HACL1: variants seen among roughly 807,000 people sequenced by gnomAD.
HACL1 encodes 2-hydroxyacyl-CoA lyase 1.
HACL1 carries 64 observed loss-of-function variants against 74.2 expected under a neutral mutation model. That is an observed-to-expected ratio of 0.86 (90% CI 0.70 to 1.06). The LOEUF is 1.06. Ranked by LOEUF, HACL1 falls within the 50% of genes least tolerant of loss-of-function variation. The probability of loss-of-function intolerance (pLI) is 0.00; values close to 1 mark genes in which losing one functional copy is unlikely to be tolerated. For missense variants in HACL1, 728 were observed against 719.7 expected, an observed-to-expected ratio of 1.01 and a Z score of -0.13; for synonymous variants, 230 against 238.8, an observed-to-expected ratio of 0.96 and a Z score of 0.34.
intron 2 of HACL1, 29 bp downstream of exon 2, chr3:15,601,061 C>G (rs775840576): frequency 3.0e-6 from 4 of 1,338,694 alleles, no homozygotes; most frequent in South Asian, 2.3e-5. Context: ...TTCCCAGTAA[C>G]GCATTCAGCC....
intron 2 of HACL1, among the ~76,000 whole-genome samples, chr3:15,599,324 G>A (rs2064131821): frequency 6.6e-6 from 1 of 152,164 alleles, no homozygotes; most frequent in Non-Finnish European, 1.5e-5. Context: ...TAGAGACAGA[G>A]GTCGTGCTAT....
Position 15,573,207 on chromosome 3 carries a change from T to C in HACL1, c.945A>G (p.Val315=), listed in dbSNP as rs557276065. Residue 315 remains valine, a synonymous_variant, in exon 11 of 17, where the codon GTA becomes GTG. Coordinates refer to ENST00000321169, the MANE Select transcript of HACL1 (RefSeq NM_012260.4). Reference sequence around the variant, plus strand: ...TTCCTAGCAAAGTAACAGCGGGCTTTACATTATTCCCCAATTCTTCTGCAC... The same window carrying C: ...TTCCTAGCAAAGTAACAGCGGGCTTCACATTATTCCCCAATTCTTCTGCAC... ...DICAEELGNN[V]KPAVTLLGNI... is the part of the protein sequence containing the mutation. 7.5e-6 allele frequency: 12 copies of C among 1,610,264 alleles called. No homozygotes were observed. Among genetic ancestry groups the C allele is most frequent in the African/African-American group, 1.3e-5 (1 of 74,976 alleles).
Position 15,560,855 on chromosome 3 carries a change from G to A in HACL1, c.*10C>T. On this transcript the variant is annotated 3_prime_UTR_variant, in exon 17 of 17. Transcript: ENST00000321169. Reference sequence around the variant, plus strand: ...AGAGAAAACTCAAGACCACCAACTGGCGTCTTTATTTACATATTAGAGCGG... The same window carrying A: ...AGAGAAAACTCAAGACCACCAACTGACGTCTTTATTTACATATTAGAGCGG... 1 of 1,590,370 alleles carries A rather than the reference G, an allele frequency of 6.3e-7. No homozygotes were observed. Among genetic ancestry groups the A allele is most frequent in the Non-Finnish European group, 8.6e-7 (1 of 1,161,986 alleles).
intron 3 of HACL1, among the ~76,000 whole-genome samples, chr3:15,593,192 T>C (rs2063986981): frequency 1.3e-5 from 2 of 148,194 alleles, no homozygotes; most frequent in Admixed American, 1.3e-4. Flanking sequence ...TACACACATA[T>C]ATATGTGCGT....
chr3:15,600,997 G>A (rs943721268), intron 2 of HACL1, 93 bp downstream of exon 2: 1 of 763,972 alleles, frequency 1.3e-6, no homozygotes, highest in East Asian at 2.5e-5. Flanking sequence ...TAGCAGAAGA[G>A]TGGTAAGCGC....
chr3:15,599,822 T>C (rs2064150994), intron 2 of HACL1, among the ~76,000 whole-genome samples: 1 of 152,274 alleles, frequency 6.6e-6, no homozygotes, highest in Non-Finnish European at 1.5e-5. Context: ...ACAGGTTATG[T>C]AGCACAATCC....
chr3:15,588,591 T>C (rs1219978171), intron 5 of HACL1, among the ~76,000 whole-genome samples: 1 of 150,812 alleles, frequency 6.6e-6, no homozygotes. Flanking sequence ...ATATCCTGTC[T>C]CAAAAAAGAA....
chr3:15,596,938 T>A (rs1183638730), intron 2 of HACL1, among the ~76,000 whole-genome samples: 1 of 152,204 alleles, frequency 6.6e-6, no homozygotes, highest in African/African-American at 2.4e-5. Flanking sequence ...TTTAGAACAC[T>A]GGTTTTTAAT....
intron 3 of HACL1, among the ~76,000 whole-genome samples, chr3:15,592,273 T>C (rs111064690): frequency 0.18 from 22,856 of 128,546 alleles, 3,131 homozygotes; most frequent in East Asian, 0.42. Flanking sequence ...CATATATACG[T>C]ATACATACGT....
intron 3 of HACL1, among the ~76,000 whole-genome samples, chr3:15,592,072 ACG>A (rs2063916651): frequency 2.2e-3 from 14 of 6,444 alleles, no homozygotes; most frequent in African/African-American, 7.0e-3. Flanking sequence ...ATACGTATAT[ACG>A]TATACGTATA....
At chr3:15,566,603 C>G (rs1010133465) in intron 14 of HACL1, among the ~76,000 whole-genome samples, 1 of 152,130 alleles carries the variant, frequency 6.6e-6, no homozygotes, top group Non-Finnish European at 1.5e-5. Flanking sequence ...CTGCGGTGAG[C>G]CGCAGTTGCG....
chr3:15,593,201 G>GTGTA (rs2063987842), intron 3 of HACL1, among the ~76,000 whole-genome samples: 1 of 144,762 alleles, frequency 6.9e-6, no homozygotes, highest in Non-Finnish European at 1.5e-5. Flanking sequence ...ATATATGTGC[G>GTGTA]TGTGTGTATA....
intron 10 of HACL1, among the ~76,000 whole-genome samples, chr3:15,574,349 C>T (rs1381931614): frequency 1.3e-5 from 2 of 152,154 alleles, no homozygotes; most frequent in African/African-American, 4.8e-5. Context: ...GCCTGGGTGA[C>T]AGAGCCAAGA....
chr3:15,578,391 TAA>T (rs1041016295), intron 9 of HACL1, among the ~76,000 whole-genome samples: 2 of 152,256 alleles, frequency 1.3e-5, no homozygotes, highest in Middle Eastern at 3.4e-3. Flanking sequence ...CTTAAAAATC[TAA>T]AAAGAGGAAA....
At chr3:15,567,291 A>G (rs796833492) in intron 14 of HACL1, among the ~76,000 whole-genome samples, 12 of 145,390 alleles carry the variant, frequency 8.3e-5, no homozygotes, top group African/African-American at 2.8e-4. Flanking sequence ...GCTCACTGCA[A>G]CCTCCACTTC....
chr3:15,599,334 T>C (rs139015279), intron 2 of HACL1, among the ~76,000 whole-genome samples: 134 of 152,360 alleles, frequency 8.8e-4, no homozygotes, highest in Middle Eastern at 6.8e-3. Flanking sequence ...GGTCGTGCTA[T>C]GTTGCCCAGG....
At chr3:15,570,963 A>C (rs1232796622) in intron 12 of HACL1, among the ~76,000 whole-genome samples, 1 of 152,012 alleles carries the variant, frequency 6.6e-6, no homozygotes, top group Non-Finnish European at 1.5e-5. Context: ...AAAAAAAAAA[A>C]AACCACTTAA....
At chr3:15,580,136 T>C in intron 8 of HACL1, 91 bp from the exon 9 acceptor site, 2 of 1,071,148 alleles carry the variant, frequency 1.9e-6, no homozygotes, top group African/African-American at 1.6e-5. Context: ...TTTTTACTTA[T>C]TTATATTTTG....
intron 4 of HACL1, 85 bp from the exon 5 acceptor site, chr3:15,589,697 TAATA>T: frequency 1.2e-6 from 1 of 836,096 alleles, no homozygotes; most frequent in Non-Finnish European, 2.0e-6. Context: ...TCACAACAAA[TAATA>T]AATGTTAAAG....
Sources: allele counts gnomAD v4.1 joint callset (sites outside exome capture counted in the v4.1 genomes callset), GRCh38; gene constraint gnomAD v4.1.1; transcripts MANE v1.5; gene names NCBI Gene and HGNC (gene_info 2026-07-23, HGNC 2026-07-21).